SIAH3: variants seen among roughly 807,000 people sequenced by gnomAD.
SIAH3 encodes the protein seven in absentia homolog 3.
In SIAH3, 9 loss-of-function variants were observed where a neutral mutation model predicts 12.6. That is an observed-to-expected ratio of 0.72 (90% CI 0.43 to 1.25). SIAH3 has a LOEUF of 1.25. SIAH3 is among the 50% of genes most tolerant of loss of function. The probability of loss-of-function intolerance (pLI) is 0.00; values close to 1 mark genes in which losing one functional copy is unlikely to be tolerated. For missense variants in SIAH3, 390 were observed against 365.4 expected (o/e 1.07, Z -0.55); for synonymous variants, 154 against 151.1 (o/e 1.02, Z -0.14).
chr13:45,839,259 A>C (rs1405827835), intron 1 of SIAH3, among the ~76,000 whole-genome samples: 1 of 151,950 alleles, frequency 6.6e-6, no homozygotes, highest in African/African-American at 2.4e-5. Flanking sequence ...TTTTTAGAGA[A>C]AAAGCAGCCT....
intron 1 of SIAH3, among the ~76,000 whole-genome samples, chr13:45,797,438 AG>A (rs891798756): frequency 8.5e-5 from 13 of 152,180 alleles, no homozygotes; most frequent in Non-Finnish European, 1.8e-4. Context: ...ATGTTGTAGA[AG>A]GGAAGGTACA....
At chr13:45,851,303 G>C (rs1593391734) in intron 1 of SIAH3, among the ~76,000 whole-genome samples, 192 bp downstream of exon 1, 2 of 152,054 alleles carry the variant, frequency 1.3e-5, no homozygotes, top group South Asian at 4.2e-4. Flanking sequence ...AACAACACTC[G>C]GTCACTAACA....
chr13:45,803,071 A>G (rs1293995094), intron 1 of SIAH3, among the ~76,000 whole-genome samples: 1 of 147,794 alleles, frequency 6.8e-6, no homozygotes, highest in Non-Finnish European at 1.5e-5. Flanking sequence ...AACTCTGTCA[A>G]AAAAAAAAAA....
intron 1 of SIAH3, among the ~76,000 whole-genome samples, chr13:45,826,348 G>T (rs570984572): frequency 1.3e-5 from 2 of 151,026 alleles, no homozygotes; most frequent in East Asian, 3.9e-4. Flanking sequence ...TGGATGAGTG[G>T]GTGGGTGGAT....
chr13:45,815,412 G>A (rs1189063515), intron 1 of SIAH3, among the ~76,000 whole-genome samples: 1 of 152,044 alleles, frequency 6.6e-6, no homozygotes, highest in Non-Finnish European at 1.5e-5. Context: ...TTTGGGCTCC[G>A]GCTATAGCAT....
At chr13:45,784,262 T>G (rs1211277129) in intron 1 of SIAH3, among the ~76,000 whole-genome samples, 1 of 152,106 alleles carries the variant, frequency 6.6e-6, no homozygotes, top group African/African-American at 2.4e-5. Flanking sequence ...GTGTTGAGAT[T>G]CTGAAAAGTC....
Position 45,783,283 on chromosome 13 carries a change from A to T in SIAH3, c.*100T>A. On this transcript the variant is annotated 3_prime_UTR_variant, in exon 2 of 2. Transcript: ENST00000400405. The stretch of plus-strand genomic sequence containing the variant: ...ATAATTAAAAATTAAAAAAAAAAAA[A>T]AGAAAGGAGAAGAATAAAAAGGAGT... 1.3e-6 allele frequency: 1 copy of T among 799,886 alleles called. No homozygotes were observed. Among genetic ancestry groups the T allele is most frequent in the Non-Finnish European group, 1.8e-6 (1 of 557,488 alleles). The allele number at this position is 799,886 out of a possible 1,614,324, so 49.5% of individuals were successfully genotyped here.
chr13:45,821,264 G>T (rs1156865794), intron 1 of SIAH3, among the ~76,000 whole-genome samples: 1 of 152,226 alleles, frequency 6.6e-6, no homozygotes, highest in Non-Finnish European at 1.5e-5. Context: ...GCCATGGAAT[G>T]CCCGAGGCTG....
At chr13:45,839,963 A>G (rs1950734372) in intron 1 of SIAH3, among the ~76,000 whole-genome samples, 1 of 152,108 alleles carries the variant, frequency 6.6e-6, no homozygotes, top group Non-Finnish European at 1.5e-5. Flanking sequence ...ATCAAGGTTA[A>G]AAGCAAGAGC....
rs758372420 is a variant in SIAH3 at position 45,809,909 on chromosome 13, C to CAAAGCA, written c.136-25858_136-25853dup. ...CAAGGGGGAGACAAAACAAAATGAA[C>CAAAGCA]AAAGCAAAAGCAAAAGCAAAACCAA... On this transcript the variant is annotated intron_variant, in intron 1 of 1. Coordinates refer to ENST00000400405, the MANE Select transcript of SIAH3 (RefSeq NM_198849.3). 2.0e-5 allele frequency among the ~76,000 whole-genome samples: 3 copies of CAAAGCA among 152,276 alleles called. No homozygotes were observed. The East Asian group carries it at 5.8e-4, about 29-fold the overall frequency.
At chr13:45,843,233 A>T (rs764738015) in intron 1 of SIAH3, among the ~76,000 whole-genome samples, 4 of 152,012 alleles carry the variant, frequency 2.6e-5, no homozygotes, top group African/African-American at 4.8e-5. Context: ...CTCAGAGGAA[A>T]GCTGTGTCCT....
chr13:45,817,659 C>T (rs113223453), intron 1 of SIAH3, among the ~76,000 whole-genome samples: 30 of 152,118 alleles, frequency 2.0e-4, no homozygotes, highest in African/African-American at 7.0e-4. Context: ...ATGCTGGCCT[C>T]GAAGACTGGA....
chr13:45,803,283 T>C (rs528328180), intron 1 of SIAH3, among the ~76,000 whole-genome samples: 3 of 152,310 alleles, frequency 2.0e-5, no homozygotes, highest in Admixed American at 1.3e-4. Flanking sequence ...CATTCATTCG[T>C]TCATCAAACT....
intron 1 of SIAH3, among the ~76,000 whole-genome samples, chr13:45,826,381 A>ATGGT (rs1566094832): frequency 9.8e-5 from 1 of 10,204 alleles, no homozygotes; most frequent in African/African-American, 3.4e-4. Context: ...GGATGAATGA[A>ATGGT]TGGATGGATG....
chr13:45,835,263 T>G (rs187619399), intron 1 of SIAH3, among the ~76,000 whole-genome samples: 9 of 152,312 alleles, frequency 5.9e-5, no homozygotes, highest in African/African-American at 2.2e-4. Context: ...CTCAATAGCA[T>G]GTAGAGAACT....
At chr13:45,810,457 C>T (rs973051076) in intron 1 of SIAH3, among the ~76,000 whole-genome samples, 51 of 152,306 alleles carry the variant, frequency 3.3e-4, no homozygotes, top group Non-Finnish European at 2.5e-4. Flanking sequence ...CTACCGGCAG[C>T]TGGTGTTTGG....
At chr13:45,840,673 G>C (rs906384149) in intron 1 of SIAH3, among the ~76,000 whole-genome samples, 1 of 152,118 alleles carries the variant, frequency 6.6e-6, no homozygotes, top group Non-Finnish European at 1.5e-5. Context: ...ACCCCGAGCC[G>C]GAGCATCTTT....
intron 1 of SIAH3, 91 bp from the exon 2 acceptor site, chr13:45,784,148 T>A (rs1950517491): frequency 8.6e-7 from 1 of 1,168,928 alleles, no homozygotes; most frequent in South Asian, 1.5e-5. Context: ...AAAAAGCAGA[T>A]CCTCCAGTGC....
At chr13:45,785,577 TACAC>T (rs372439791) in intron 1 of SIAH3, among the ~76,000 whole-genome samples, 1 of 152,234 alleles carries the variant, frequency 6.6e-6, no homozygotes, top group Non-Finnish European at 1.5e-5. Flanking sequence ...CATGCATGCA[TACAC>T]ACACGCTCAT....
Sources: gnomAD v4.1 joint callset for allele counts (sites outside exome capture counted in the v4.1 genomes callset) on GRCh38, gnomAD v4.1.1 for gene constraint, MANE v1.5 for transcripts, NCBI Gene and HGNC (gene_info 2026-07-23, HGNC 2026-07-21) for gene names.